SCGN: variants seen among roughly 807,000 people sequenced by gnomAD.
SCGN encodes the protein secretagogin.
Under a neutral mutation model 39.7 loss-of-function variants are expected in SCGN, and 30 were observed. That is an observed-to-expected ratio of 0.76 (90% CI 0.57 to 1.03). SCGN has a LOEUF of 1.03. Among genes scored for constraint, SCGN ranks in the 50% least tolerant of loss-of-function variants. The pLI is 0.00. For synonymous variants in SCGN, 106 were observed against 114.1 expected (o/e 0.93, Z 0.45); for missense variants, 353 against 349.4 (o/e 1.01, Z -0.08).
At chr6:25,659,944 CA>C (rs917334743) in intron 2 of SCGN, among the ~76,000 whole-genome samples, 3 of 151,092 alleles carry the variant, frequency 2.0e-5, no homozygotes, top group African/African-American at 4.9e-5. Context: ...GTCAAGACTA[CA>C]AAAAAAACAG....
At position 25,666,839 on chromosome 6, in the gene SCGN, T is replaced by C. The variant is rs73733729; in HGVS notation, c.336+1807T>C. On this transcript the variant is annotated intron_variant, in intron 4 of 10. Coordinates refer to ENST00000377961, the MANE Select transcript of SCGN (RefSeq NM_006998.4). ...GTGGTAGGATTTCAGGTGATTTTAT[T>C]CTTTGTACTTTTGTATTTTCCAATT... Among the ~76,000 whole-genome samples the C allele has an allele frequency of 8.6e-3, 1,303 of 152,332 alleles. 19 individuals are homozygous for C. Among genetic ancestry groups the C allele is most frequent in the African/African-American group, 0.028 (1,178 of 41,582 alleles).
chr6:25,686,750 A>G (rs979720415), intron 7 of SCGN, among the ~76,000 whole-genome samples: 12 of 152,116 alleles, frequency 7.9e-5, no homozygotes, highest in African/African-American at 2.9e-4. Flanking sequence ...TTTAGATGTC[A>G]TATCTAGGAA....
chr6:25,691,423 C>T (rs529197427), intron 10 of SCGN, among the ~76,000 whole-genome samples: 3 of 152,250 alleles, frequency 2.0e-5, no homozygotes, highest in South Asian at 4.2e-4. Context: ...TTTTTGGTTA[C>T]AGAAAGTCCC....
intron 6 of SCGN, among the ~76,000 whole-genome samples, chr6:25,676,758 T>A (rs1326673607): frequency 6.6e-6 from 1 of 152,162 alleles, no homozygotes; most frequent in African/African-American, 2.4e-5. Context: ...ATTTTACTTA[T>A]CTGTCTTATT....
intron 7 of SCGN, among the ~76,000 whole-genome samples, chr6:25,686,750 A>T (rs979720415): frequency 6.6e-6 from 1 of 152,116 alleles, no homozygotes; most frequent in African/African-American, 2.4e-5. Context: ...TTTAGATGTC[A>T]TATCTAGGAA....
At chr6:25,682,643 A>T (rs1301647241) in intron 7 of SCGN, among the ~76,000 whole-genome samples, 20 of 152,230 alleles carry the variant, frequency 1.3e-4, no homozygotes, top group Non-Finnish European at 2.9e-4. Context: ...CAGAGTTGAA[A>T]TTATTGGATC....
Position 25,652,304 on chromosome 6 carries a change from G to A in SCGN, c.-100G>A. 2 of 926,418 alleles carry A rather than the reference G, an allele frequency of 2.2e-6. No individual in the cohort carries two copies. Among genetic ancestry groups the A allele is most frequent in the Non-Finnish European group, 3.5e-6 (2 of 572,420 alleles). 57.4% of individuals were successfully genotyped at this position (926,418 alleles called of 1,614,324 possible). On this transcript the variant is annotated 5_prime_UTR_variant, in exon 1 of 11. Transcript: ENST00000377961. ...AGTTACTCAAAGCTAATCAGATAGC[G>A]AAAGAAGCAGGAGAGCAAGTCAAGA...
In SCGN at chr6:25,670,088, G is replaced by A. The variant is rs200477006; in HGVS notation, c.471+12G>A. 1.2e-4 allele frequency: 188 copies of A among 1,589,482 alleles called. 1 individual carries two copies. Among genetic ancestry groups the A allele is most frequent in the Admixed American group, 6.3e-4 (38 of 59,982 alleles). The stretch of plus-strand genomic sequence containing the variant: ...ACACTGGCACCATGGTAAGTAATGA[G>A]TAATGTAATCTCCATGAGGGCAGCT... On this transcript the variant is annotated intron_variant, in intron 6 of 10. Transcript: ENST00000377961.
rs1048140932 is a variant in SCGN, at chr6:25,701,776, A to G, written c.*441A>G. On this transcript the variant is annotated 3_prime_UTR_variant, in exon 11 of 11. Coordinates refer to ENST00000377961, the MANE Select transcript of SCGN (RefSeq NM_006998.4). ...GTGTGGAAATAAATCTGCAATTGGA[A>G]ACAAAAATGTACTGGTAATTGCTTT... 6.5e-6 allele frequency: 1 copy of G among 153,360 alleles called. No homozygotes were observed. The highest frequency in any genetic ancestry group is 1.5e-5 in the Non-Finnish European group (1 of 68,888). 9.5% of individuals were successfully genotyped at this position (153,360 alleles called of 1,614,324 possible).
chr6:25,675,480 C>T (rs1264305465), intron 6 of SCGN, among the ~76,000 whole-genome samples: 2 of 152,306 alleles, frequency 1.3e-5, no homozygotes, highest in South Asian at 2.1e-4. Context: ...TCAAGCTAGC[C>T]CACTCCCTTT....
chr6:25,679,581 A>G (rs2151380607), intron 6 of SCGN, among the ~76,000 whole-genome samples: 1 of 152,300 alleles, frequency 6.6e-6, no homozygotes, highest in Admixed American at 6.5e-5. Flanking sequence ...CCAACCTGCC[A>G]CCACTGCCTG....
At chr6:25,659,609 T>C (rs114030143) in intron 2 of SCGN, among the ~76,000 whole-genome samples, 2,248 of 152,294 alleles carry the variant, frequency 0.015, 48 homozygotes, top group African/African-American at 0.043. Flanking sequence ...ATCATACGTT[T>C]TGATTTATAG....
At chr6:25,678,641 C>T (rs1329179592) in intron 6 of SCGN, 4 of 152,248 alleles carry the variant, frequency 2.6e-5, no homozygotes. Flanking sequence ...CTGTAGATGC[C>T]AACAGGACAC....
intron 1 of SCGN, 32 bp from the exon 2 acceptor site, chr6:25,653,350 A>T: frequency 1.5e-6 from 2 of 1,357,304 alleles, no homozygotes; most frequent in Non-Finnish European, 2.1e-6. Flanking sequence ...TTTATATGTT[A>T]GTATTATTTA....
intron 10 of SCGN, among the ~76,000 whole-genome samples, chr6:25,696,013 G>C (rs1452313366): frequency 1.3e-5 from 2 of 152,134 alleles, no homozygotes; most frequent in Non-Finnish European, 2.9e-5. Context: ...GGGAGTTCCT[G>C]CCCACAGTCC....
At chr6:25,664,059 A>G (rs1025241063) in intron 3 of SCGN, among the ~76,000 whole-genome samples, 7 of 152,194 alleles carry the variant, frequency 4.6e-5, no homozygotes, top group Admixed American at 3.3e-4. Context: ...CAATGAACAC[A>G]GCCAAACCTG....
intron 2 of SCGN, among the ~76,000 whole-genome samples, chr6:25,658,495 G>A (rs923293211): frequency 6.6e-6 from 1 of 152,114 alleles, no homozygotes; most frequent in East Asian, 1.9e-4. Context: ...CAGAGGTATA[G>A]CAGATGACCT....
At chr6:25,699,575 CTG>C (rs1054724672) in intron 10 of SCGN, among the ~76,000 whole-genome samples, 1 of 123,382 alleles carries the variant, frequency 8.1e-6, no homozygotes, top group African/African-American at 3.3e-5. Flanking sequence ...GGTGACAAGA[CTG>C]AAACTCTGTC....
intron 10 of SCGN, among the ~76,000 whole-genome samples, chr6:25,693,451 C>CAA (rs11376402): frequency 0.14 from 6,843 of 47,254 alleles, 712 homozygotes; most frequent in Middle Eastern, 0.23. Flanking sequence ...GACTCCGTCT[C>CAA]AAAAAAAAAA....
Sources: gnomAD v4.1 joint callset for allele counts (sites outside exome capture counted in the v4.1 genomes callset) on GRCh38, gnomAD v4.1.1 for gene constraint, MANE v1.5 for transcripts, NCBI Gene and HGNC (gene_info 2026-07-23, HGNC 2026-07-21) for gene names.